Variants in GLDC observed in about 807,000 individuals in gnomAD.
The protein encoded by GLDC is glycine decarboxylase, also known as glycine dehydrogenase (decarboxylating), mitochondrial.
A neutral mutation model predicts 121.3 loss-of-function variants in GLDC; 104 were observed. The observed-to-expected ratio is 0.86, with a 90% CI of 0.73 to 1.01. The LOEUF is 1.01. Among genes scored for constraint, GLDC ranks in the 50% least tolerant of loss-of-function variants. GLDC has a pLI of 0.00. For missense variants in GLDC, 1,429 were observed against 1,306.6 expected (o/e 1.09, Z -1.44); for synonymous variants, 546 against 480.6 (o/e 1.14, Z -1.78).
chr9:6,584,617 G>C (rs1818232221), intron 15 of GLDC, among the ~76,000 whole-genome samples: 1 of 152,182 alleles, frequency 6.6e-6, no homozygotes, highest in Non-Finnish European at 1.5e-5. Flanking sequence ...ACATCAAATT[G>C]CTTTACTCAC....
At chr9:6,628,668 G>A (rs762604243) in intron 2 of GLDC, among the ~76,000 whole-genome samples, 2 of 152,188 alleles carry the variant, frequency 1.3e-5, no homozygotes, top group African/African-American at 2.4e-5. Flanking sequence ...TTGAGCCTGG[G>A]AGGTGGAGGC....
At chr9:6,599,946 T>C (rs1818568688) in intron 8 of GLDC, among the ~76,000 whole-genome samples, 1 of 152,084 alleles carries the variant, frequency 6.6e-6, no homozygotes, top group Admixed American at 6.6e-5. Flanking sequence ...GAAGATCTTA[T>C]TGCCCACTGC....
At chr9:6,601,445 T>C (rs1002171016) in intron 8 of GLDC, among the ~76,000 whole-genome samples, 2 of 152,248 alleles carry the variant, frequency 1.3e-5, no homozygotes, top group Non-Finnish European at 2.9e-5. Context: ...CTGGCCTTTT[T>C]TGTCCTTTCT....
intron 3 of GLDC, among the ~76,000 whole-genome samples, chr9:6,611,667 A>G (rs1030378682): frequency 6.6e-6 from 1 of 151,794 alleles, no homozygotes; most frequent in African/African-American, 2.4e-5. Flanking sequence ...TCTAATTATC[A>G]TTTCCTTTTT....
intron 20 of GLDC, among the ~76,000 whole-genome samples, chr9:6,552,126 T>C (rs993731049): frequency 1.3e-5 from 2 of 152,230 alleles, no homozygotes; most frequent in East Asian, 3.9e-4. Flanking sequence ...GCCTGTGGAA[T>C]TGCAGCAGGG....
intron 8 of GLDC, among the ~76,000 whole-genome samples, chr9:6,601,024 C>G (rs1226297766): frequency 1.3e-5 from 2 of 152,112 alleles, no homozygotes; most frequent in African/African-American, 2.4e-5. Context: ...AATGCAAAAA[C>G]TAGCCTGGCG....
At chr9:6,622,206 G>A (rs1045968655) in intron 2 of GLDC, among the ~76,000 whole-genome samples, 1 of 145,648 alleles carries the variant, frequency 6.9e-6, no homozygotes, top group African/African-American at 2.6e-5. Flanking sequence ...CACTCCACAT[G>A]CTTTCCCAGG....
rs928970066 is a variant in GLDC at position 6,565,958 on chromosome 9, C to T, written c.1851-529G>A. ...AGTATTGTTTTTAAAAATATAACTA[C>T]AGGCCGGGTGCAATGGCTCATGCCT... On this transcript the variant is annotated intron_variant, in intron 15 of 24. Transcript: ENST00000321612. The T allele has an allele frequency of 1.8e-4, 37 of 201,040 alleles. 1 individual carries two copies. The highest frequency in any genetic ancestry group is 8.7e-4 in the African/African-American group (37 of 42,338). The allele number at this position is 201,040 out of a possible 1,614,324, so 12.5% of individuals were successfully genotyped here. A position where few individuals can be genotyped will look rare whatever the true frequency, so the allele number is the denominator to read the frequency against.
At chr9:6,621,754 G>A (rs1819100622) in intron 2 of GLDC, among the ~76,000 whole-genome samples, 1 of 152,176 alleles carries the variant, frequency 6.6e-6, no homozygotes, top group East Asian at 1.9e-4. Flanking sequence ...CTGACTTCGT[G>A]ATCCGCCCAC....
intron 7 of GLDC, among the ~76,000 whole-genome samples, chr9:6,602,872 C>G (rs1818645464): frequency 6.6e-6 from 1 of 151,884 alleles, no homozygotes. Context: ...ACCACAGATT[C>G]CACCAATCAC....
At position 6,592,610 on chromosome 9, in the gene GLDC, C is replaced by T. The variant is rs938689047; in HGVS notation, c.1401+241G>A. Among the ~76,000 whole-genome samples, 5 of 152,198 alleles carry T rather than the reference C, an allele frequency of 3.3e-5. No homozygotes were observed. The South Asian group carries it at 1.0e-3, about 32-fold the overall frequency. On this transcript the variant is annotated intron_variant, in intron 10 of 24. Transcript: ENST00000321612. Reference sequence around the variant, plus strand: ...ACTGTGAAGAGAGGAGTATTATGAACAAAATATGTGCATTTCAGTCCCACA... The same window carrying T: ...ACTGTGAAGAGAGGAGTATTATGAATAAAATATGTGCATTTCAGTCCCACA...
intron 2 of GLDC, among the ~76,000 whole-genome samples, chr9:6,633,511 C>G (rs1819434335): frequency 6.6e-6 from 1 of 152,208 alleles, no homozygotes; most frequent in Non-Finnish European, 1.5e-5. Context: ...ATCTCTTCTT[C>G]CACTTCTCCC....
intron 2 of GLDC, among the ~76,000 whole-genome samples, chr9:6,622,432 C>T (rs35003488): frequency 0.026 from 3,853 of 149,558 alleles, 75 homozygotes; most frequent in Non-Finnish European, 0.041. Context: ...TTGGTGGAGA[C>T]GGGGTTTCCC....
intron 3 of GLDC, among the ~76,000 whole-genome samples, chr9:6,611,313 C>CT (rs1309475970): frequency 1.3e-5 from 2 of 152,178 alleles, no homozygotes; most frequent in Non-Finnish European, 2.9e-5. Flanking sequence ...ACCTATTTTA[C>CT]TTGGGAGGTC....
intron 15 of GLDC, among the ~76,000 whole-genome samples, chr9:6,581,661 G>A (rs1028888187): frequency 2.0e-5 from 3 of 152,142 alleles, no homozygotes; most frequent in African/African-American, 7.2e-5. Flanking sequence ...ATTGCACCAT[G>A]GTAGATCATG....
At chr9:6,597,587 T>C (rs1292202701) in intron 8 of GLDC, among the ~76,000 whole-genome samples, 1 of 151,740 alleles carries the variant, frequency 6.6e-6, no homozygotes, top group Non-Finnish European at 1.5e-5. Flanking sequence ...GATTTTTATA[T>C]TAAAAATAAG....
chr9:6,535,472 A>G (rs1817106630), intron 23 of GLDC, among the ~76,000 whole-genome samples: 1 of 151,940 alleles, frequency 6.6e-6, no homozygotes, highest in African/African-American at 2.4e-5. Flanking sequence ...CAGCTGCTGC[A>G]GTCATATCAG....
chr9:6,637,303 G>A (rs1370392357), intron 2 of GLDC, among the ~76,000 whole-genome samples: 1 of 151,748 alleles, frequency 6.6e-6, no homozygotes, highest in African/African-American at 2.4e-5. Flanking sequence ...TACCTGGGAG[G>A]CAGAGGCAGG....
intron 15 of GLDC, among the ~76,000 whole-genome samples, chr9:6,574,599 T>C (rs1056568046): frequency 6.6e-6 from 1 of 152,102 alleles, no homozygotes; most frequent in Non-Finnish European, 1.5e-5. Context: ...CTAACAAACT[T>C]CAAAAATCAA....
Sources: gnomAD v4.1 joint callset for allele counts (sites outside exome capture counted in the v4.1 genomes callset) on GRCh38, gnomAD v4.1.1 for gene constraint, MANE v1.5 for transcripts, NCBI Gene and HGNC (gene_info 2026-07-23, HGNC 2026-07-21) for gene names.